Variants in APBA1 observed in about 807,000 individuals in gnomAD.
The protein encoded by APBA1 is amyloid-beta A4 precursor protein-binding family A member 1.
A neutral mutation model predicts 86.6 loss-of-function variants in APBA1; 55 were observed. That is an observed-to-expected ratio of 0.64 (90% CI 0.51 to 0.80). APBA1 has a LOEUF of 0.80. Among genes scored for constraint, APBA1 ranks in the 30% least tolerant of loss-of-function variants. The pLI is 0.00. For synonymous variants in APBA1, 511 were observed against 493.9 expected (o/e 1.03, Z -0.46); for missense variants, 1,090 against 1,183.0 (o/e 0.92, Z 1.15).
Position 69,449,779 on chromosome 9 carries a change from C to G in APBA1, c.1986G>C (p.Gln662His), listed in dbSNP as rs763605485. 14 of 1,610,816 alleles carry G rather than the reference C, an allele frequency of 8.7e-6. No homozygotes were observed. The South Asian group carries it at 1.5e-4, about 18-fold the overall frequency. ...TCACCACACCTAGGATTTCTCCTTTCTGCTTCTCTATGAAAACCTGGAAGG... is the reference window on the plus strand; with the variant it reads ...TCACCACACCTAGGATTTCTCCTTTGTGCTTCTCTATGAAAACCTGGAAGG... Reference protein sequence around the residue: ...ENCKDVFIEKQKGEILGVVIV... With the variant: ...ENCKDVFIEKHKGEILGVVIV... The change falls in exon 10 of 13, where the codon CAG (glutamine) becomes CAC (histidine). Residue 662 changes from glutamine to histidine, a missense_variant. Coordinates refer to ENST00000265381, the MANE Select transcript of APBA1 (RefSeq NM_001163.4).
intron 1 of APBA1, among the ~76,000 whole-genome samples, chr9:69,528,234 T>G (rs1315704931): frequency 6.6e-6 from 1 of 152,138 alleles, no homozygotes; most frequent in Non-Finnish European, 1.5e-5. Flanking sequence ...GTATAATTTT[T>G]GCTAACACTA....
intron 1 of APBA1, among the ~76,000 whole-genome samples, chr9:69,602,106 C>A (rs572237234): frequency 6.6e-6 from 1 of 152,000 alleles, no homozygotes; most frequent in East Asian, 1.9e-4. Context: ...TTTATTAATC[C>A]CTTCTTTTTT....
chr9:69,631,109 T>G (rs1162343406), intron 1 of APBA1, among the ~76,000 whole-genome samples: 1 of 152,214 alleles, frequency 6.6e-6, no homozygotes, highest in Non-Finnish European at 1.5e-5. Flanking sequence ...TGCCTGGTAC[T>G]TGGTAGATGC....
chr9:69,489,458 C>A (rs987780395), intron 2 of APBA1, among the ~76,000 whole-genome samples: 5 of 152,050 alleles, frequency 3.3e-5, no homozygotes, highest in Admixed American at 1.3e-4. Flanking sequence ...CTTTCTTACA[C>A]CTTATACAAA....
At chr9:69,630,914 A>G (rs1047663512) in intron 1 of APBA1, among the ~76,000 whole-genome samples, 5 of 152,226 alleles carry the variant, frequency 3.3e-5, no homozygotes, top group Admixed American at 1.3e-4. Context: ...CAGTCAGTAA[A>G]GAAGATAGAG....
intron 1 of APBA1, among the ~76,000 whole-genome samples, chr9:69,671,759 G>A (rs542310961): frequency 6.6e-6 from 1 of 152,232 alleles, no homozygotes; most frequent in Non-Finnish European, 1.5e-5. Flanking sequence ...GCCGAGAGAT[G>A]AGGGGGTCCT....
At chr9:69,666,917 T>C (rs901397605) in intron 1 of APBA1, among the ~76,000 whole-genome samples, 1 of 152,184 alleles carries the variant, frequency 6.6e-6, no homozygotes, top group Non-Finnish European at 1.5e-5. Context: ...TTAAAAAAAG[T>C]TTATTCATGT....
intron 1 of APBA1, among the ~76,000 whole-genome samples, chr9:69,647,088 C>T (rs1823406276): frequency 6.6e-6 from 1 of 152,252 alleles, no homozygotes; most frequent in African/African-American, 2.4e-5. Flanking sequence ...GAACTCCCTA[C>T]CAGGATTCAG....
At chr9:69,434,945 C>CT (rs1834677358) in intron 11 of APBA1, among the ~76,000 whole-genome samples, 1 of 107,004 alleles carries the variant, frequency 9.3e-6, no homozygotes, top group South Asian at 4.5e-4. Context: ...TCCCTCCCCC[C>CT]TCCCCCCACC....
At chr9:69,636,950 A>AGAAAGAAAGAAG (rs1823188055) in intron 1 of APBA1, among the ~76,000 whole-genome samples, 4 of 149,930 alleles carry the variant, frequency 2.7e-5, no homozygotes, top group African/African-American at 9.8e-5. Flanking sequence ...AAAGAAAGAA[A>AGAAAGAAAGAAG]GAAAGAAAGA....
Position 69,449,607 on chromosome 9 carries a change from A to G in APBA1, c.2158T>C (p.Ser720Pro), listed in dbSNP as rs1170728461. The change falls in exon 10 of 13, where the codon TCC becomes CCC. Residue 720 changes from serine (S) to proline (P), a missense_variant. Ser to Pro is a moderately conservative substitution (Grantham distance 74). Coordinates refer to ENST00000265381, the MANE Select transcript of APBA1 (RefSeq NM_001163.4). The part of the protein sequence containing the change: ...NGTSLVGLPL[S>P]TCQSIIKGLK... ...ACCTTAATAATGCTCTGGCAGGTGG[A>G]CAGAGGCAGGCCCACCAGGCTGGTG... is the stretch of plus-strand genomic sequence containing the variant. 4 of 1,613,922 alleles carry G rather than the reference A, an allele frequency of 2.5e-6. No individual in the cohort carries two copies. The highest frequency in any genetic ancestry group is 1.7e-5 in the Admixed American group (1 of 60,018).
intron 2 of APBA1, among the ~76,000 whole-genome samples, chr9:69,491,403 A>G (rs565437588): frequency 2.0e-5 from 3 of 152,032 alleles, no homozygotes; most frequent in Non-Finnish European, 4.4e-5. Context: ...GGAATTGAAC[A>G]AAGAGAACAC....
chr9:69,500,576 A>G (rs1032848019), intron 2 of APBA1, among the ~76,000 whole-genome samples: 1 of 152,102 alleles, frequency 6.6e-6, no homozygotes, highest in African/African-American at 2.4e-5. Context: ...GAGAACGATG[A>G]GACACCGACA....
At chr9:69,666,709 G>T (rs1191510329) in intron 1 of APBA1, among the ~76,000 whole-genome samples, 1 of 152,064 alleles carries the variant, frequency 6.6e-6, no homozygotes, top group Non-Finnish European at 1.5e-5. Context: ...ATAACTCAAG[G>T]ATCTAAAGGG....
At chr9:69,505,675 C>T (rs1331819594) in intron 2 of APBA1, among the ~76,000 whole-genome samples, 3 of 152,030 alleles carry the variant, frequency 2.0e-5, no homozygotes, top group African/African-American at 7.2e-5. Flanking sequence ...ACTCTGTTCT[C>T]GAATGATTCT....
rs925115627 is a variant in APBA1 at position 69,429,062 on chromosome 9, G to A, written c.*2265C>T. 1 of 152,220 alleles carries A rather than the reference G, an allele frequency of 6.6e-6. No individual in the cohort carries two copies. Among genetic ancestry groups the A allele is most frequent in the Non-Finnish European group, 1.5e-5 (1 of 68,042 alleles). The allele number at this position is 152,220 out of a possible 1,614,324, so 9.4% of individuals were successfully genotyped here. A position where few individuals can be genotyped will look rare whatever the true frequency, so the allele number is the denominator to read the frequency against. On this transcript the variant is annotated 3_prime_UTR_variant, in exon 13 of 13. Coordinates refer to ENST00000265381, the MANE Select transcript of APBA1 (RefSeq NM_001163.4). ...TAACCGTTATGTGCAGGTTGTACAGGGATGCACTACTGGAGTTCTGTCCCC... is the reference window on the plus strand; with the variant it reads ...TAACCGTTATGTGCAGGTTGTACAGAGATGCACTACTGGAGTTCTGTCCCC...
At chr9:69,499,598 G>A (rs535161293) in intron 2 of APBA1, among the ~76,000 whole-genome samples, 13 of 151,794 alleles carry the variant, frequency 8.6e-5, no homozygotes, top group Non-Finnish European at 1.6e-4. Context: ...CAGGATAAGA[G>A]GCTCTAACAA....
intron 1 of APBA1, among the ~76,000 whole-genome samples, chr9:69,652,503 A>T (rs139638722): frequency 6.6e-6 from 1 of 152,194 alleles, no homozygotes; most frequent in African/African-American, 2.4e-5. Flanking sequence ...GAGGAAGTGA[A>T]GTTTAAAATG....
chr9:69,583,965 T>C (rs189616102), intron 1 of APBA1, among the ~76,000 whole-genome samples: 319 of 152,320 alleles, frequency 2.1e-3, no homozygotes, highest in African/African-American at 7.4e-3. Context: ...GTCCAGCACA[T>C]AGTGAGTGCA....
Sources: gnomAD v4.1 joint callset for allele counts (sites outside exome capture counted in the v4.1 genomes callset) on GRCh38, gnomAD v4.1.1 for gene constraint, MANE v1.5 for transcripts, NCBI Gene and HGNC (gene_info 2026-07-23, HGNC 2026-07-21) for gene names.